KCNQ3: variants seen among roughly 807,000 people sequenced by gnomAD.
KCNQ3 encodes potassium voltage-gated channel subfamily KQT member 3.
KCNQ3 carries 30 observed loss-of-function variants against 92.5 expected under a neutral mutation model. That is an observed-to-expected ratio of 0.32 (90% CI 0.24 to 0.44). The LOEUF (loss-of-function observed/expected upper bound fraction) is 0.44. Among genes scored for constraint, KCNQ3 ranks in the 20% least tolerant of loss-of-function variants. The pLI is 1.00. For synonymous variants in KCNQ3, 450 were observed against 468.8 expected, an observed-to-expected ratio of 0.96 and a Z score of 0.52; for missense variants, 913 against 1,140.3, an observed-to-expected ratio of 0.80 and a Z score of 2.87.
At chr8:132,208,881 G>C (rs187991218) in intron 1 of KCNQ3, among the ~76,000 whole-genome samples, 1 of 152,196 alleles carries the variant, frequency 6.6e-6, no homozygotes, top group East Asian at 1.9e-4. Context: ...CATTCCATAC[G>C]TCTCCCTCCT....
In KCNQ3 at chr8:132,121,446, G is replaced by T. The variant is rs1824465970; in HGVS notation, c.*7816C>A. 1 of 152,124 alleles carries T rather than the reference G, an allele frequency of 6.6e-6. No individual in the cohort carries two copies. Among genetic ancestry groups the T allele is most frequent in the Admixed American group, 6.5e-5 (1 of 15,272 alleles). The allele number at this position is 152,124 out of a possible 1,614,324, so 9.4% of individuals were successfully genotyped here. Reference sequence around the variant, plus strand: ...CTCCAACAGCAAATCTCTGATCCTTGGCAAAATGGCTGCCCCAAATCTTGC... The same window carrying T: ...CTCCAACAGCAAATCTCTGATCCTTTGCAAAATGGCTGCCCCAAATCTTGC... On this transcript the variant is annotated 3_prime_UTR_variant, in exon 15 of 15. Coordinates refer to ENST00000388996, the MANE Select transcript of KCNQ3 (RefSeq NM_004519.4).
intron 1 of KCNQ3, among the ~76,000 whole-genome samples, chr8:132,424,150 C>T (rs1391221412): frequency 6.8e-6 from 1 of 147,844 alleles, no homozygotes; most frequent in African/African-American, 2.5e-5. Flanking sequence ...AGCTGGCTTT[C>T]TCCAAGCACA....
chr8:132,153,253 C>G (rs1382978523), intron 9 of KCNQ3, among the ~76,000 whole-genome samples: 1 of 152,142 alleles, frequency 6.6e-6, no homozygotes, highest in Non-Finnish European at 1.5e-5. Context: ...TGCCCCTAAC[C>G]CAGAGGTTTC....
At chr8:132,414,663 T>C (rs1315807595) in intron 1 of KCNQ3, among the ~76,000 whole-genome samples, 4 of 152,128 alleles carry the variant, frequency 2.6e-5, no homozygotes, top group Non-Finnish European at 5.9e-5. Context: ...TTCAACCCCA[T>C]GGACTGACGG....
In KCNQ3 at chr8:132,250,661, C is replaced by A. The variant is rs1308547034; in HGVS notation, c.387-64480G>T. Among the ~76,000 whole-genome samples the A allele has an allele frequency of 2.0e-5, 3 of 152,060 alleles. No individual in the cohort carries two copies. The South Asian group carries it at 6.2e-4, about 32-fold the overall frequency. ...GGAGACTTTTGGCTCATCTGTGGAC[C>A]ATTTCTCTATTTCCAAGTGGATTGG... is the stretch of plus-strand genomic sequence containing the variant. On this transcript the variant is annotated intron_variant, in intron 1 of 14. Coordinates refer to ENST00000388996, the MANE Select transcript of KCNQ3 (RefSeq NM_004519.4).
At chr8:132,242,551 T>C (rs1230772282) in intron 1 of KCNQ3, among the ~76,000 whole-genome samples, 1 of 152,242 alleles carries the variant, frequency 6.6e-6, no homozygotes, top group Non-Finnish European at 1.5e-5. Context: ...ACCACTTCTA[T>C]CATTTAGTTT....
intron 1 of KCNQ3, among the ~76,000 whole-genome samples, chr8:132,390,456 T>C (rs145400224): frequency 2.6e-5 from 4 of 152,240 alleles, no homozygotes; most frequent in African/African-American, 7.2e-5. Flanking sequence ...TAATACACCA[T>C]AAAAAATGAT....
chr8:132,395,410 A>G (rs1345558074), intron 1 of KCNQ3, among the ~76,000 whole-genome samples: 1 of 152,216 alleles, frequency 6.6e-6, no homozygotes, highest in Non-Finnish European at 1.5e-5. Flanking sequence ...TAATAGAAGT[A>G]TCAGGAGTTC....
chr8:132,144,699 C>T (rs1478461596), intron 9 of KCNQ3, among the ~76,000 whole-genome samples: 1 of 152,208 alleles, frequency 6.6e-6, no homozygotes, highest in Non-Finnish European at 1.5e-5. Flanking sequence ...CCATGTTCAA[C>T]TCCGTGTAGT....
intron 1 of KCNQ3, among the ~76,000 whole-genome samples, chr8:132,444,075 G>A (rs1370394494): frequency 6.6e-6 from 1 of 152,064 alleles, no homozygotes; most frequent in Non-Finnish European, 1.5e-5. Context: ...TATGGAGCTG[G>A]GAGTTGAACC....
chr8:132,474,499 T>C (rs979819462), intron 1 of KCNQ3, among the ~76,000 whole-genome samples: 3 of 152,184 alleles, frequency 2.0e-5, no homozygotes, highest in Admixed American at 2.0e-4. Flanking sequence ...AATCTTGTTT[T>C]CTCTCCCATA....
intron 1 of KCNQ3, among the ~76,000 whole-genome samples, chr8:132,344,308 C>T (rs1483049326): frequency 6.6e-6 from 1 of 152,198 alleles, no homozygotes; most frequent in East Asian, 1.9e-4. Flanking sequence ...ATAAATGCAT[C>T]ATATTCAAAG....
At chr8:132,302,897 T>C (rs925663949) in intron 1 of KCNQ3, among the ~76,000 whole-genome samples, 2 of 152,224 alleles carry the variant, frequency 1.3e-5, no homozygotes, top group African/African-American at 2.4e-5. Context: ...CTGGCTGTTT[T>C]ATAAGCTGCT....
intron 1 of KCNQ3, among the ~76,000 whole-genome samples, chr8:132,320,854 G>A (rs1817875267): frequency 6.6e-6 from 1 of 152,188 alleles, no homozygotes; most frequent in South Asian, 2.1e-4. Flanking sequence ...TGTCCAACCA[G>A]CAGAAGCCCT....
chr8:132,240,332 A>G (rs1347735761), intron 1 of KCNQ3, among the ~76,000 whole-genome samples: 1 of 152,042 alleles, frequency 6.6e-6, no homozygotes, highest in Non-Finnish European at 1.5e-5. Context: ...GATTACAGGC[A>G]TGCGCCACCA....
chr8:132,403,028 A>AAAAAAAAAAAAAAAAAAAAAAAAAC (rs1820385266), intron 1 of KCNQ3, among the ~76,000 whole-genome samples: 1 of 150,074 alleles, frequency 6.7e-6, no homozygotes, highest in African/African-American at 2.5e-5. Context: ...AAAAAAAAAA[A>AAAAAAAAAAAAAAAAAAAAAAAAAC]AAAAGTGTCA....
intron 1 of KCNQ3, among the ~76,000 whole-genome samples, chr8:132,462,748 G>A (rs1822090723): frequency 1.3e-5 from 2 of 152,184 alleles, no homozygotes; most frequent in African/African-American, 4.8e-5. Flanking sequence ...ATCTGGCAGT[G>A]TTATCACAAG....
At chr8:132,161,339 A>G (rs575978437) in intron 9 of KCNQ3, among the ~76,000 whole-genome samples, 1 of 152,326 alleles carries the variant, frequency 6.6e-6, no homozygotes, top group East Asian at 1.9e-4. Context: ...TAGAAATATG[A>G]ATAAAGGGGC....
intron 9 of KCNQ3, among the ~76,000 whole-genome samples, chr8:132,148,877 T>A (rs1394459509): frequency 6.6e-6 from 1 of 152,234 alleles, no homozygotes; most frequent in Non-Finnish European, 1.5e-5. Context: ...AACTGCTGGC[T>A]TTCCTGGTGT....
Sources: allele counts gnomAD v4.1 joint callset (sites outside exome capture counted in the v4.1 genomes callset), GRCh38; gene constraint gnomAD v4.1.1; transcripts MANE v1.5; gene names NCBI Gene and HGNC (gene_info 2026-07-23, HGNC 2026-07-21).